The following DOT1L variants were observed in gnomAD, a reference collection of about 807,000 sequenced individuals.
DOT1L encodes the protein histone-lysine N-methyltransferase, H3 lysine-79 specific.
In DOT1L, 33 loss-of-function variants were observed where a neutral mutation model predicts 153.3. The observed-to-expected ratio is 0.22, with a 90% CI of 0.16 to 0.29. The LOEUF (loss-of-function observed/expected upper bound fraction) is 0.29, where lower values mean the gene tolerates loss of function less well. Ranked by LOEUF, DOT1L falls within the 10% of genes least tolerant of loss-of-function variation. The pLI, the probability that DOT1L is intolerant of heterozygous loss-of-function variation, is 1.00. For synonymous variants in DOT1L, 1,135 were observed against 965.1 expected (o/e 1.18, Z -3.26); for missense variants, 1,847 against 2,119.9 (o/e 0.87, Z 2.53).
At chr19:2,221,912 C>G (rs1420423622) in intron 23 of DOT1L, 64 bp from the exon 24 acceptor site, 1 of 1,475,674 alleles carries the variant, frequency 6.8e-7, no homozygotes, top group African/African-American at 1.4e-5. Context: ...GGTGGTGCTC[C>G]CACAGCAAGG....
In DOT1L at chr19:2,222,127, G is replaced by A. The variant is rs1374369724; in HGVS notation, c.2958G>A (p.Gln986=). The A allele has an allele frequency of 6.2e-7, 1 of 1,613,154 alleles. No individual in the cohort carries two copies. Among genetic ancestry groups the A allele is most frequent in the Non-Finnish European group, 8.5e-7 (1 of 1,179,882 alleles). Residue 986 remains glutamine (Q), a synonymous_variant, in exon 24 of 28, where the codon CAG becomes CAA. Transcript: ENST00000398665. This position sits in a 1 kb window ranked among gnomAD's most constrained non-coding sequence, Gnocchi z 6.5. ...ATVGSRSSTP[Q]HPLLLAQPRN... Reference sequence around the variant, plus strand: ...TGGGGTCCCGCAGCTCCACGCCACAGCACCCCCTGCTGCTGGCACAGCCCC... The same window carrying A: ...TGGGGTCCCGCAGCTCCACGCCACAACACCCCCTGCTGCTGGCACAGCCCC...
Position 2,208,583 on chromosome 19 carries a change from C to T in DOT1L, c.964-352C>T, listed in dbSNP as rs955915407. 1.3e-5 allele frequency among the ~76,000 whole-genome samples: 2 copies of T among 152,202 alleles called. No homozygotes were observed. The highest frequency in any genetic ancestry group is 2.4e-5 in the African/African-American group (1 of 41,454). On this transcript the variant is annotated intron_variant, in intron 11 of 27. Transcript: ENST00000398665. The surrounding 1 kb of genome is among the most constrained non-coding windows in gnomAD (Gnocchi z 4.4). Reference sequence around the variant, plus strand: ...TCAGCTGCCCTGGCACTGACGCCCTCGGCGCAGCCTCTCGCCTTCTCCTCT... The same window carrying T: ...TCAGCTGCCCTGGCACTGACGCCCTTGGCGCAGCCTCTCGCCTTCTCCTCT...
intron 9 of DOT1L, among the ~76,000 whole-genome samples, chr19:2,203,046 C>T (rs544951125): frequency 5.9e-5 from 9 of 152,220 alleles, no homozygotes; most frequent in South Asian, 2.1e-4. Flanking sequence ...GTCAGTCTCC[C>T]GAGTAGCTGG....
intron 3 of DOT1L, among the ~76,000 whole-genome samples, chr19:2,187,961 GC>G (rs1175327193): frequency 5.7e-4 from 86 of 151,912 alleles, no homozygotes; most frequent in African/African-American, 1.7e-3. Context: ...GACAGGAAGG[GC>G]CAGGGCTGCT....
At position 2,190,423 on chromosome 19, in the gene DOT1L, C is replaced by T. The variant is rs1466594435; in HGVS notation, c.265-589C>T. ...GGTGGCATGGGCTCACTTGGCCCTC[C>T]TGAGTGGGACTGGGCTGGGCTGGGC... On this transcript the variant is annotated intron_variant, in intron 4 of 27. Coordinates refer to ENST00000398665, the MANE Select transcript of DOT1L (RefSeq NM_032482.3). This position sits in a 1 kb window ranked among gnomAD's most constrained non-coding sequence, Gnocchi z 4.8. Among the ~76,000 whole-genome samples the T allele has an allele frequency of 6.6e-6, 1 of 152,048 alleles. No homozygotes were observed. The highest frequency in any genetic ancestry group is 2.4e-5 in the African/African-American group (1 of 41,388).
rs773660415 is a variant in DOT1L at position 2,220,273 on chromosome 19, C to T, written c.2806+51C>T. 39 of 1,551,424 alleles carry T rather than the reference C, an allele frequency of 2.5e-5. No homozygotes were observed. Among genetic ancestry groups the T allele is most frequent in the Non-Finnish European group, 3.0e-5 (34 of 1,140,286 alleles). ...TCAGGACTCTGCTGCTGCTGCTGCT[C>T]TTCAGGCAGGAGGGCTGGGTTGCTG... On this transcript the variant is annotated intron_variant, in intron 23 of 27. Transcript: ENST00000398665. The surrounding 1 kb of genome is among the most constrained non-coding windows in gnomAD (Gnocchi z 4.5).
At position 2,226,737 on chromosome 19, in the gene DOT1L, C is replaced by A. The variant is rs758414948; in HGVS notation, c.4216C>A (p.Leu1406Met). Residue 1406 changes from leucine to methionine, a missense_variant, in exon 27 of 28, where the codon CTG becomes ATG. By Grantham distance (15) the Leu-to-Met change is conservative. Coordinates refer to ENST00000398665, the MANE Select transcript of DOT1L (RefSeq NM_032482.3). Reference protein sequence around the residue: ...LCGPTDKTPLLSGKAAKARDR... With the variant: ...LCGPTDKTPLMSGKAAKARDR... ...CGGGCCCACGGACAAGACCCCACTG[C>A]TGAGCGGCAAGGCCGCCAAGGCCCG... 6.4e-7 allele frequency: 1 copy of A among 1,558,494 alleles called. No individual in the cohort carries two copies. The highest frequency in any genetic ancestry group is 2.3e-5 in the East Asian group (1 of 43,872).
rs2024375428 is a variant in DOT1L at position 2,227,027 on chromosome 19, GGCC to G, written c.4512_4514del (p.Ala1505del). On this transcript the variant is annotated inframe_deletion, in exon 27 of 28. Coordinates refer to ENST00000398665, the MANE Select transcript of DOT1L (RefSeq NM_032482.3). ...TGCAGTCGCTGTTCAGCTCTGTGCC[GGCC>G]GCCGCAGGCCTGGTGCACGTGTCGT... The G allele has an allele frequency of 6.3e-7, 1 of 1,582,220 alleles. No individual in the cohort carries two copies. Among genetic ancestry groups the G allele is most frequent in the African/African-American group, 1.3e-5 (1 of 74,094 alleles).
At chr19:2,223,163 A>C in intron 24 of DOT1L, 118 bp from the exon 25 acceptor site, 1 of 1,091,036 alleles carries the variant, frequency 9.2e-7, no homozygotes, top group Non-Finnish European at 1.3e-6. Flanking sequence ...TGGGCAGGGC[A>C]TCAGTTTCCT....
At chr19:2,223,664 C>T (rs541882182) in intron 25 of DOT1L, among the ~76,000 whole-genome samples, 178 bp downstream of exon 25, 2 of 152,182 alleles carry the variant, frequency 1.3e-5, no homozygotes, top group South Asian at 2.1e-4. Flanking sequence ...GGCCCCGTTC[C>T]GGGCAGGGCC....
chr19:2,177,644 G>A (rs550758677), intron 1 of DOT1L, among the ~76,000 whole-genome samples: 1 of 152,096 alleles, frequency 6.6e-6, no homozygotes, highest in Non-Finnish European at 1.5e-5. Flanking sequence ...CCACCTTTGA[G>A]CAAGGGACCC....
chr19:2,179,016 G>C (rs2022098001), intron 1 of DOT1L, among the ~76,000 whole-genome samples: 1 of 152,172 alleles, frequency 6.6e-6, no homozygotes, highest in African/African-American at 2.4e-5. Flanking sequence ...ATTGCCATGA[G>C]CCCTTGTGTC....
intron 3 of DOT1L, among the ~76,000 whole-genome samples, chr19:2,186,816 C>T (rs962141253): frequency 1.3e-5 from 2 of 152,246 alleles, no homozygotes. Flanking sequence ...CCACCTGCCT[C>T]GCATGTCGGG....
rs2023513250 is a variant in DOT1L, at chr19:2,206,798, G to T, written c.856+1G>T. ...AGAATAAACAGTAGAAACTTGAGTG[G>T]TAAGAAACTCTCATGTTGTTAATGA... On this transcript the variant is annotated splice_donor_variant, in intron 10 of 27. Coordinates refer to ENST00000398665, the MANE Select transcript of DOT1L (RefSeq NM_032482.3). LOFTEE classifies it high-confidence loss of function. The T allele has an allele frequency of 6.2e-7, 1 of 1,613,358 alleles. No homozygotes were observed. The highest frequency in any genetic ancestry group is 8.5e-7 in the Non-Finnish European group (1 of 1,179,522).
intron 7 of DOT1L, among the ~76,000 whole-genome samples, chr19:2,199,335 G>A (rs762871233): frequency 2.0e-5 from 3 of 152,314 alleles, no homozygotes; most frequent in African/African-American, 2.4e-5. Flanking sequence ...CCCTGTGTGC[G>A]TGTTTCTTGT....
In DOT1L at chr19:2,222,392, T is replaced by G. The variant is rs969131818; in HGVS notation, c.3223T>G (p.Cys1075Gly). ...CCTGACCGCCAGCGCCCGTGGGGAC[T>G]GTGTGCCGAGCCACGGGCAGGACAG... ...SPLTASARGD[C>G]VPSHGQDSRR... The change falls in exon 24 of 28, where the codon TGT becomes GGT. Residue 1075 changes from cysteine to glycine, a missense_variant. This residue lies in a region of DOT1L where 934 missense variants were observed against 825.3 expected (regional missense o/e 1.13). Coordinates refer to ENST00000398665, the MANE Select transcript of DOT1L (RefSeq NM_032482.3). The surrounding 1 kb of genome is among the most constrained non-coding windows in gnomAD (Gnocchi z 6.5). 44 of 1,610,956 alleles carry G rather than the reference T, an allele frequency of 2.7e-5. No homozygotes were observed. The highest frequency in any genetic ancestry group is 3.6e-5 in the Non-Finnish European group (43 of 1,179,154).
At position 2,179,028 on chromosome 19, in the gene DOT1L, C is replaced by T. The variant is rs1048257225; in HGVS notation, c.82-1685C>T. On this transcript the variant is annotated intron_variant, in intron 1 of 27. Transcript: ENST00000398665. ...ATCATTGCCATGAGCCCTTGTGTCT[C>T]CTGTCTCCCCTATCTAGGCTGATCC... Among the ~76,000 whole-genome samples the T allele has an allele frequency of 3.9e-5, 6 of 152,314 alleles. No individual in the cohort carries two copies. In the South Asian group the frequency reaches 8.3e-4, roughly 21 times the overall value.
chr19:2,211,234 G>A (rs761617179), intron 15 of DOT1L, 22 bp downstream of exon 15: 13 of 1,580,228 alleles, frequency 8.2e-6, no homozygotes, highest in East Asian at 4.5e-5. Context: ...TGAGGCGTCC[G>A]GCGAAGGGTT....
Position 2,209,458 on chromosome 19 carries a change from G to T in DOT1L, c.1005+482G>T, listed in dbSNP as rs149164454. ...AAAAGCTTGTGCGTCACTGCTGGCT[G>T]CCCCCTCTTGAGGCCTGGGGGGCCA... On this transcript the variant is annotated intron_variant, in intron 12 of 27. Coordinates refer to ENST00000398665, the MANE Select transcript of DOT1L (RefSeq NM_032482.3). Among the ~76,000 whole-genome samples the T allele has an allele frequency of 2.7e-4, 41 of 152,348 alleles. 1 individual carries two copies. Among genetic ancestry groups the T allele is most frequent in the African/African-American group, 9.6e-4 (40 of 41,586 alleles).
Sources: gnomAD v4.1 joint callset for allele counts (sites outside exome capture counted in the v4.1 genomes callset) on GRCh38, gnomAD v4.1.1 for gene constraint, gnomAD v4.1.1 regional missense constraint, Gnocchi (gnomAD v3.1) non-coding constraint, MANE v1.5 for transcripts, NCBI Gene and HGNC (gene_info 2026-07-23, HGNC 2026-07-21) for gene names.